Variants in SND1 observed in about 807,000 individuals in gnomAD.
SND1 encodes the protein staphylococcal nuclease domain-containing protein 1.
SND1 carries 38 observed loss-of-function variants against 121.7 expected under a neutral mutation model. The observed-to-expected ratio is 0.31, with a 90% CI of 0.24 to 0.41. The LOEUF (loss-of-function observed/expected upper bound fraction) is 0.41. Ranked by LOEUF, SND1 falls within the 10% of genes least tolerant of loss-of-function variation. The pLI, the probability that SND1 is intolerant of heterozygous loss-of-function variation, is 1.00. For synonymous variants in SND1, 401 were observed against 447.4 expected, an observed-to-expected ratio of 0.90 and a Z score of 1.31; for missense variants, 868 against 1,184.6, an observed-to-expected ratio of 0.73 and a Z score of 3.92.
intron 16 of SND1, among the ~76,000 whole-genome samples, chr7:128,002,840 T>G (rs1802868507): frequency 6.6e-6 from 1 of 152,226 alleles, no homozygotes; most frequent in South Asian, 2.1e-4. Context: ...CAATCCAGGA[T>G]TGCCATAGAT....
chr7:127,692,824 G>A lies in SND1; in HGVS notation c.229-2004G>A, dbSNP rs190469637. Among the ~76,000 whole-genome samples the A allele has an allele frequency of 2.0e-3, 307 of 152,264 alleles. 3 individuals carry two copies. The highest frequency in any genetic ancestry group is 2.9e-3 in the Non-Finnish European group (194 of 68,018). Reference sequence around the variant, plus strand: ...CCAGTGTGGTTTTCTCTTATTGACCGGTAACTAACCAGCTGGAAAACATGA... The same window carrying A: ...CCAGTGTGGTTTTCTCTTATTGACCAGTAACTAACCAGCTGGAAAACATGA... On this transcript the variant is annotated intron_variant, in intron 2 of 23. Transcript: ENST00000354725.
chr7:128,030,813 G>A (rs1792568514), intron 16 of SND1: 1 of 796,372 alleles, frequency 1.3e-6, no homozygotes, highest in Non-Finnish European at 1.9e-6. Flanking sequence ...TGCCAAACTC[G>A]AGCGGCCCCT....
intron 10 of SND1, among the ~76,000 whole-genome samples, chr7:127,789,555 A>G (rs1286102521): frequency 6.6e-6 from 1 of 152,196 alleles, no homozygotes; most frequent in Non-Finnish European, 1.5e-5. Context: ...CTAAACATTC[A>G]TGGTCTTCAG....
chr7:128,007,051 T>C (rs1338529238), intron 16 of SND1, among the ~76,000 whole-genome samples: 1 of 150,048 alleles, frequency 6.7e-6, no homozygotes, highest in African/African-American at 2.5e-5. Flanking sequence ...AGTGTTGCTG[T>C]GTCAGGTAGC....
At chr7:127,902,085 G>C (rs1563052794) in intron 13 of SND1, among the ~76,000 whole-genome samples, 1 of 152,158 alleles carries the variant, frequency 6.6e-6, no homozygotes, top group Non-Finnish European at 1.5e-5. Flanking sequence ...TGTGGTCACA[G>C]AAAGAAAGCA....
At chr7:127,679,964 T>A (rs893927963) in intron 1 of SND1, among the ~76,000 whole-genome samples, 7 of 152,198 alleles carry the variant, frequency 4.6e-5, no homozygotes, top group African/African-American at 1.7e-4. Context: ...TCGGGGAACC[T>A]GCCCCTGATA....
At chr7:127,917,390 T>C (rs1191350387) in intron 14 of SND1, among the ~76,000 whole-genome samples, 1 of 152,232 alleles carries the variant, frequency 6.6e-6, no homozygotes, top group East Asian at 1.9e-4. Flanking sequence ...ATATGCTTTA[T>C]TAAATCTATT....
At chr7:127,674,828 C>T (rs967179339) in intron 1 of SND1, among the ~76,000 whole-genome samples, 25 of 152,122 alleles carry the variant, frequency 1.6e-4, no homozygotes, top group Admixed American at 1.2e-3. Context: ...ATGTGCTTTT[C>T]GTATTTGTCT....
intron 13 of SND1, among the ~76,000 whole-genome samples, chr7:127,889,720 A>G (rs1035304194): frequency 5.9e-5 from 9 of 151,376 alleles, no homozygotes; most frequent in African/African-American, 1.9e-4. Flanking sequence ...CTGTGTTTCC[A>G]TGAGTTCAAT....
At chr7:127,787,463 T>C (rs975267469) in intron 10 of SND1, among the ~76,000 whole-genome samples, 4 of 152,212 alleles carry the variant, frequency 2.6e-5, no homozygotes, top group Non-Finnish European at 5.9e-5. Context: ...TCTTGAACTC[T>C]TAGGCTCAAG....
chr7:127,904,244 T>C (rs1412912406), intron 13 of SND1: 1 of 152,506 alleles, frequency 6.6e-6, no homozygotes, highest in East Asian at 1.9e-4. Flanking sequence ...TAATTTTTTT[T>C]CCTACTGTTA....
intron 21 of SND1, among the ~76,000 whole-genome samples, chr7:128,088,596 G>T (rs1793725518): frequency 6.6e-6 from 1 of 151,716 alleles, no homozygotes; most frequent in African/African-American, 2.4e-5. Flanking sequence ...GGGATTATAA[G>T]TGCCCGCCAC....
chr7:127,965,949 A>AT (rs1801840681), intron 15 of SND1, among the ~76,000 whole-genome samples: 2 of 72,298 alleles, frequency 2.8e-5, no homozygotes, highest in South Asian at 5.5e-4. Context: ...TTATTGGTCT[A>AT]TTCAGAGATT....
intron 10 of SND1, among the ~76,000 whole-genome samples, chr7:127,731,119 C>T (rs756947325): frequency 6.6e-6 from 1 of 152,210 alleles, no homozygotes; most frequent in African/African-American, 2.4e-5. Context: ...TCCAGCCTCC[C>T]GTCTCCCTTA....
Position 127,738,560 on chromosome 7 carries a change from T to A in SND1, c.1152+17160T>A, listed in dbSNP as rs182113246. On this transcript the variant is annotated intron_variant, in intron 10 of 23. Transcript: ENST00000354725. ...TCCCAAAGTGCTGGGATTACAGGTG[T>A]GGGCCAGTGCTTCCGGCCCTGAAAG... 2.4e-3 allele frequency among the ~76,000 whole-genome samples: 370 copies of A among 152,284 alleles called. 2 individuals carry two copies. The highest frequency in any genetic ancestry group is 7.7e-3 in the African/African-American group (321 of 41,560).
At chr7:127,928,794 T>G (rs1459575900) in intron 14 of SND1, among the ~76,000 whole-genome samples, 2 of 152,174 alleles carry the variant, frequency 1.3e-5, no homozygotes, top group African/African-American at 4.8e-5. Context: ...TTTTGCCATG[T>G]TGGCCAGGAT....
At chr7:127,656,320 C>T (rs1587571642) in intron 1 of SND1, among the ~76,000 whole-genome samples, 1 of 148,574 alleles carries the variant, frequency 6.7e-6, no homozygotes. Context: ...TCTTTTCTTT[C>T]TTTCTTTTTT....
chr7:127,872,072 T>C (rs13229973), intron 12 of SND1, among the ~76,000 whole-genome samples: 36,891 of 152,076 alleles, frequency 0.24, 4,852 homozygotes, highest in Middle Eastern at 0.33. Flanking sequence ...TTCGAGTCTG[T>C]GGTGAGCTAG....
chr7:127,791,864 G>A (rs1259509282), intron 10 of SND1, among the ~76,000 whole-genome samples: 2 of 152,108 alleles, frequency 1.3e-5, no homozygotes, highest in Non-Finnish European at 2.9e-5. Flanking sequence ...ATGCAATATA[G>A]TAACCACGTT....
Sources: gnomAD v4.1 joint callset for allele counts (sites outside exome capture counted in the v4.1 genomes callset) on GRCh38, gnomAD v4.1.1 for gene constraint, MANE v1.5 for transcripts, NCBI Gene and HGNC (gene_info 2026-07-23, HGNC 2026-07-21) for gene names.